Variants in MDH1 observed in about 807,000 individuals in gnomAD.
MDH1 encodes malate dehydrogenase 1.
In MDH1, 15 loss-of-function variants were observed where a neutral mutation model predicts 38.7. That is an observed-to-expected ratio of 0.39 (90% CI 0.26 to 0.60). The LOEUF (loss-of-function observed/expected upper bound fraction) is 0.60, where lower values mean the gene tolerates loss of function less well. Among genes scored for constraint, MDH1 ranks in the 20% least tolerant of loss-of-function variants. The probability of loss-of-function intolerance (pLI) is 0.56; values close to 1 mark genes in which losing one functional copy is unlikely to be tolerated. For synonymous variants in MDH1, 144 were observed against 143.6 expected, an observed-to-expected ratio of 1.00 and a Z score of -0.02; for missense variants, 368 against 405.2, an observed-to-expected ratio of 0.91 and a Z score of 0.79.
Position 63,606,893 on chromosome 2 carries a change from C to T in MDH1, c.911C>T (p.Pro304Leu). Residue 304 changes from proline to leucine, a missense_variant, in exon 9 of 9, where the codon CCT (proline) becomes CTT (leucine). Physicochemically the swap from Pro to Leu is moderately conservative, Grantham distance 98. Coordinates refer to ENST00000233114, the MANE Select transcript of MDH1 (RefSeq NM_005917.4). ...NKTWKFVEGL[P>L]INDFSREKMD... ...ACCTGGAAGTTTGTTGAAGGTCTCC[C>T]TATTAATGATTTCTCACGTGAGAAG... 1 of 1,611,690 alleles carries T rather than the reference C, an allele frequency of 6.2e-7. No individual in the cohort carries two copies. Among genetic ancestry groups the T allele is most frequent in the South Asian group, 1.1e-5 (1 of 90,850 alleles).
intron 6 of MDH1, 103 bp from the exon 7 acceptor site, chr2:63,605,177 A>T: frequency 1.3e-6 from 1 of 757,386 alleles, no homozygotes; most frequent in Non-Finnish European, 2.2e-6. Context: ...GGGAAACATT[A>T]AGCTCTGGTC....
chr2:63,599,218 A>G lies in MDH1; in HGVS notation c.424A>G (p.Lys142Glu), dbSNP rs11555100. The change falls in exon 5 of 9, where the codon AAG becomes GAG. Residue 142 changes from lysine to glutamate, a missense_variant. Transcript: ENST00000233114. ...CAATACCAACTGCCTGACTGCTTCCAAGTCAGCTCCATCCATCCCCAAGGA... is the reference window on the plus strand; with the variant it reads ...CAATACCAACTGCCTGACTGCTTCCGAGTCAGCTCCATCCATCCCCAAGGA... Reference protein sequence around the residue: ...PANTNCLTASKSAPSIPKENF... With the variant: ...PANTNCLTASESAPSIPKENF... 1.2e-6 allele frequency: 2 copies of G among 1,613,784 alleles called. No homozygotes were observed. The highest frequency in any genetic ancestry group is 1.1e-5 in the South Asian group (1 of 91,056).
Position 63,605,993 on chromosome 2 carries a change from G to T in MDH1, c.844G>T (p.Asp282Tyr), listed in dbSNP as rs372445349. 1 of 1,614,144 alleles carries T rather than the reference G, an allele frequency of 6.2e-7. No homozygotes were observed. The highest frequency in any genetic ancestry group is 8.5e-7 in the Non-Finnish European group (1 of 1,180,004). ...ISDGNSYGVP[D>Y]DLLYSFPVVI... ...TGATGGCAACTCCTATGGTGTTCCT[G>T]ATGATCTGCTCTACTCATTCCCTGT... Residue 282 changes from aspartate to tyrosine, a missense_variant, in exon 8 of 9, where the codon GAT becomes TAT. Physicochemically the swap from Asp to Tyr is radical, Grantham distance 160. Coordinates refer to ENST00000233114, the MANE Select transcript of MDH1 (RefSeq NM_005917.4).
chr2:63,591,867 C>A (rs560005836), intron 1 of MDH1, among the ~76,000 whole-genome samples: 16 of 152,308 alleles, frequency 1.1e-4, no homozygotes, highest in South Asian at 1.0e-3. Flanking sequence ...TGTGTTAACT[C>A]TTTTAATCCT....
chr2:63,606,188 C>T (rs1709524895), intron 8 of MDH1, among the ~76,000 whole-genome samples, 160 bp downstream of exon 8: 1 of 152,156 alleles, frequency 6.6e-6, no homozygotes, highest in Non-Finnish European at 1.5e-5. Context: ...TCAAGACCAG[C>T]CGGGGCAACA....
At chr2:63,603,246 G>A (rs778915764) in intron 5 of MDH1, among the ~76,000 whole-genome samples, 17 of 151,950 alleles carry the variant, frequency 1.1e-4, no homozygotes, top group East Asian at 1.9e-4. Context: ...GTGAGCCACC[G>A]CGCCTGGCAT....
chr2:63,603,662 T>C (rs1250825651), intron 5 of MDH1, among the ~76,000 whole-genome samples: 1 of 147,742 alleles, frequency 6.8e-6, no homozygotes, highest in Non-Finnish European at 1.5e-5. Flanking sequence ...TTTCTTTTTT[T>C]TTTTTTTTTT....
At chr2:63,594,643 A>G in intron 2 of MDH1, 57 bp downstream of exon 2, 3 of 1,246,270 alleles carry the variant, frequency 2.4e-6, no homozygotes, top group Admixed American at 3.6e-5. Flanking sequence ...GGTTAATAAA[A>G]ATCTGTATTT....
intron 1 of MDH1, chr2:63,593,042 G>C: frequency 6.6e-6 from 1 of 151,868 alleles, no homozygotes; most frequent in East Asian, 1.9e-4. Flanking sequence ...TATGTAGTTG[G>C]CTATGATCAA....
chr2:63,597,383 A>G lies in MDH1; in HGVS notation c.200-16A>G. On this transcript the variant is annotated splice_polypyrimidine_tract_variant and intron_variant, in intron 3 of 8. Coordinates refer to ENST00000233114, the MANE Select transcript of MDH1 (RefSeq NM_005917.4). Reference sequence around the variant, plus strand: ...GATGTTTAAGTAGCTCTGCGTATTTATTGCCATGTCCACAGATGTCATCGC... The same window carrying G: ...GATGTTTAAGTAGCTCTGCGTATTTGTTGCCATGTCCACAGATGTCATCGC... The G allele has an allele frequency of 7.4e-7, 1 of 1,351,742 alleles. No homozygotes were observed. 83.7% of individuals were successfully genotyped at this position (1,351,742 alleles called of 1,614,324 possible).
chr2:63,596,838 G>A (rs1339569474), intron 3 of MDH1, among the ~76,000 whole-genome samples: 3 of 152,160 alleles, frequency 2.0e-5, no homozygotes, highest in Non-Finnish European at 4.4e-5. Context: ...ACCAACCTAG[G>A]CTGGAATTAC....
At position 63,599,199 on chromosome 2, in the gene MDH1, C is replaced by T; in HGVS notation, c.405C>T (p.Thr135=). Reference sequence around the variant, plus strand: ...TTGTTGTGGGTAATCCAGCCAATACCAACTGCCTGACTGCTTCCAAGTCAG... The same window carrying T: ...TTGTTGTGGGTAATCCAGCCAATACTAACTGCCTGACTGCTTCCAAGTCAG... The part of the protein sequence containing the change: ...KVIVVGNPAN[T]NCLTASKSAP... Residue 135 remains threonine, a synonymous_variant, in exon 5 of 9, where the codon ACC becomes ACT. Coordinates refer to ENST00000233114, the MANE Select transcript of MDH1 (RefSeq NM_005917.4). The T allele has an allele frequency of 6.2e-7, 1 of 1,613,702 alleles. No homozygotes were observed. Among genetic ancestry groups the T allele is most frequent in the Non-Finnish European group, 8.5e-7 (1 of 1,179,742 alleles).
chr2:63,593,560 G>A, intron 1 of MDH1: 2 of 471,304 alleles, frequency 4.2e-6, no homozygotes, highest in Non-Finnish European at 8.8e-6. Context: ...CTGGAAGAAG[G>A]AACTTTAAGT....
chr2:63,602,351 T>G (rs1575725244), intron 5 of MDH1, among the ~76,000 whole-genome samples: 2 of 52,844 alleles, frequency 3.8e-5, no homozygotes, highest in Non-Finnish European at 6.9e-5. Context: ...GTTGGGGTTT[T>G]TTTTTTTTTT....
At chr2:63,598,927 T>C (rs1252318416) in intron 4 of MDH1, among the ~76,000 whole-genome samples, 1 of 150,406 alleles carries the variant, frequency 6.6e-6, no homozygotes, top group African/African-American at 2.4e-5. Context: ...TATATGGGAG[T>C]CAGTCTCTGT....
chr2:63,606,094 A>AT, intron 8 of MDH1, 66 bp downstream of exon 8: 1 of 1,422,396 alleles, frequency 7.0e-7, no homozygotes, highest in Non-Finnish European at 9.9e-7. Flanking sequence ...TAAGAATGGT[A>AT]TTATTGGCCA....
Position 63,595,445 on chromosome 2 carries a change from A to G in MDH1, c.125A>G (p.Asp42Gly), listed in dbSNP as rs1709290605. The change falls in exon 3 of 9, where the codon GAT becomes GGT. Residue 42 changes from aspartate to glycine, a missense_variant. By Grantham distance (94) the Asp-to-Gly change is moderately conservative (BLOSUM62 -1). Coordinates refer to ENST00000233114, the MANE Select transcript of MDH1 (RefSeq NM_005917.4). ...KDQPIILVLL[D>G]ITPMMGVLDG... ...TAGCCTATAATTCTTGTGCTGTTGGATATCACCCCCATGATGGGTGTCCTG... is the reference window on the plus strand; with the variant it reads ...TAGCCTATAATTCTTGTGCTGTTGGGTATCACCCCCATGATGGGTGTCCTG... The G allele has an allele frequency of 6.2e-7, 1 of 1,611,894 alleles. No homozygotes were observed. The highest frequency in any genetic ancestry group is 8.5e-7 in the Non-Finnish European group (1 of 1,177,980).
intron 1 of MDH1, chr2:63,593,336 C>T (rs887865561): frequency 9.1e-5 from 26 of 285,798 alleles, no homozygotes; most frequent in Middle Eastern, 1.3e-3. Flanking sequence ...TCAGGTGATC[C>T]GCCTGCCTCA....
intron 3 of MDH1, among the ~76,000 whole-genome samples, chr2:63,596,951 G>T (rs1056049996): frequency 6.6e-6 from 1 of 152,144 alleles, no homozygotes; most frequent in African/African-American, 2.4e-5. Flanking sequence ...AAATCTCTTA[G>T]CATTATCCTG....
Sources: gnomAD v4.1 joint callset for allele counts (sites outside exome capture counted in the v4.1 genomes callset) on GRCh38, gnomAD v4.1.1 for gene constraint, MANE v1.5 for transcripts, NCBI Gene and HGNC (gene_info 2026-07-23, HGNC 2026-07-21) for gene names.